The following ABHD3 variants were observed in gnomAD, a reference collection of about 807,000 sequenced individuals.
The protein encoded by ABHD3 is abhydrolase domain containing 3, phospholipase.
ABHD3 carries 46 observed loss-of-function variants against 48.8 expected under a neutral mutation model. The ratio of observed to expected loss-of-function variants is 0.94; its 90% confidence interval spans 0.74 to 1.20. The LOEUF is 1.20. Ranked by LOEUF, ABHD3 falls within the 50% of genes most tolerant of loss-of-function variation. The probability of loss-of-function intolerance (pLI) is 0.00; values close to 1 mark genes in which losing one functional copy is unlikely to be tolerated. For missense variants in ABHD3, 490 were observed against 497.8 expected, an observed-to-expected ratio of 0.98 and a Z score of 0.15; for synonymous variants, 192 against 183.7, an observed-to-expected ratio of 1.04 and a Z score of -0.36.
chr18:21,664,033 T>C (rs2146290427), intron 5 of ABHD3, 85 bp downstream of exon 5: 17 of 1,476,734 alleles, frequency 1.2e-5, no homozygotes, highest in Middle Eastern at 1.9e-4. Flanking sequence ...AAAGTGTCCA[T>C]ACAGCTAGCT....
At chr18:21,696,739 T>C (rs1022258533) in intron 3 of ABHD3, among the ~76,000 whole-genome samples, 1 of 147,716 alleles carries the variant, frequency 6.8e-6, no homozygotes, top group South Asian at 2.1e-4. Flanking sequence ...TAGTTTTGGT[T>C]TTTTTTTGGT....
chr18:21,679,238 T>C (rs1017158493), intron 4 of ABHD3, among the ~76,000 whole-genome samples: 1 of 152,212 alleles, frequency 6.6e-6, no homozygotes, highest in Admixed American at 6.5e-5. Context: ...GAAACAGTAA[T>C]TGTTCTTAGC....
At chr18:21,696,495 G>A (rs908701027) in intron 3 of ABHD3, among the ~76,000 whole-genome samples, 2 of 151,966 alleles carry the variant, frequency 1.3e-5, no homozygotes, top group African/African-American at 4.8e-5. Context: ...TCAGAAAATG[G>A]TAAAAGGATT....
At chr18:21,682,988 C>A (rs989742076) in intron 4 of ABHD3, 1 of 152,210 alleles carries the variant, frequency 6.6e-6, no homozygotes, top group African/African-American at 2.4e-5. Context: ...ATCTTCATTT[C>A]CTCCAGTGCC....
chr18:21,681,991 G>A (rs1210801766), intron 4 of ABHD3, among the ~76,000 whole-genome samples: 1 of 152,008 alleles, frequency 6.6e-6, no homozygotes, highest in African/African-American at 2.4e-5. Context: ...TAAAAAATCA[G>A]CCAGGCATGG....
intron 3 of ABHD3, among the ~76,000 whole-genome samples, chr18:21,699,684 G>C (rs1017285889): frequency 6.6e-6 from 1 of 152,098 alleles, no homozygotes; most frequent in African/African-American, 2.4e-5. Flanking sequence ...TTGTAATTTT[G>C]TGTGTGTGTC....
chr18:21,694,770 C>G (rs182908210), intron 3 of ABHD3, among the ~76,000 whole-genome samples: 2 of 152,242 alleles, frequency 1.3e-5, no homozygotes, highest in African/African-American at 4.8e-5. Flanking sequence ...GGCTTCCTTC[C>G]TCATCGCTCT....
At chr18:21,686,258 C>T (rs1345614787) in intron 3 of ABHD3, among the ~76,000 whole-genome samples, 4 of 152,204 alleles carry the variant, frequency 2.6e-5, no homozygotes, top group Admixed American at 6.5e-5. Flanking sequence ...AATAAGATTT[C>T]AGTTGGCCAT....
At chr18:21,660,862 C>T (rs2039476773) in intron 5 of ABHD3, among the ~76,000 whole-genome samples, 1 of 152,000 alleles carries the variant, frequency 6.6e-6, no homozygotes, top group South Asian at 2.1e-4. Context: ...GTTTTGGTGG[C>T]CCTACTCTTT....
At chr18:21,674,842 ACCCCT>A (rs2039841297) in intron 4 of ABHD3, among the ~76,000 whole-genome samples, 1 of 150,390 alleles carries the variant, frequency 6.6e-6, no homozygotes, top group East Asian at 1.9e-4. Flanking sequence ...TGACCTCTAT[ACCCCT>A]CCTCCCTCTG....
intron 4 of ABHD3, among the ~76,000 whole-genome samples, chr18:21,669,185 G>A: frequency 6.6e-6 from 1 of 152,164 alleles, no homozygotes; most frequent in East Asian, 1.9e-4. Context: ...TCCAGCCTTG[G>A]TGACAGACTG....
chr18:21,696,396 G>C (rs911739863), intron 3 of ABHD3, among the ~76,000 whole-genome samples: 4 of 152,134 alleles, frequency 2.6e-5, no homozygotes, highest in African/African-American at 9.7e-5. Flanking sequence ...TGATCCGCCT[G>C]CCTTGGCTTC....
intron 3 of ABHD3, among the ~76,000 whole-genome samples, chr18:21,693,366 C>T (rs2040295616): frequency 6.6e-6 from 1 of 152,142 alleles, no homozygotes; most frequent in South Asian, 2.1e-4. Flanking sequence ...TGTGGGTAGG[C>T]AGGTAGTGTA....
At chr18:21,690,744 C>T (rs930604605) in intron 3 of ABHD3, among the ~76,000 whole-genome samples, 1 of 151,592 alleles carries the variant, frequency 6.6e-6, no homozygotes, top group African/African-American at 2.4e-5. Context: ...CCTGTAATCC[C>T]AGCACTTTGG....
intron 3 of ABHD3, among the ~76,000 whole-genome samples, chr18:21,687,033 C>A (rs1052673675): frequency 6.6e-6 from 1 of 151,936 alleles, no homozygotes; most frequent in Admixed American, 6.6e-5. Context: ...CTCAGCCTCC[C>A]GAGTAGCTGG....
chr18:21,656,183 T>C (rs1431038193), intron 8 of ABHD3, among the ~76,000 whole-genome samples: 2 of 151,884 alleles, frequency 1.3e-5, no homozygotes, highest in Non-Finnish European at 2.9e-5. Context: ...ATAATTTTCT[T>C]TTTTTTTAAG....
chr18:21,695,217 A>C (rs2040343343), intron 3 of ABHD3, among the ~76,000 whole-genome samples: 1 of 152,100 alleles, frequency 6.6e-6, no homozygotes, highest in African/African-American at 2.4e-5. Flanking sequence ...TTTAGTAGAG[A>C]TGGGGTTTCA....
chr18:21,698,970 G>A lies in ABHD3; in HGVS notation c.509+3346C>T, dbSNP rs372093300. On this transcript the variant is annotated intron_variant, in intron 3 of 8. Transcript: ENST00000289119. Reference sequence around the variant, plus strand: ...TTTTTTTGAGATGGAGCCTTGCTTTGTCTCCTAGACTGGAGTGTAGTGGCA... The same window carrying A: ...TTTTTTTGAGATGGAGCCTTGCTTTATCTCCTAGACTGGAGTGTAGTGGCA... Among the ~76,000 whole-genome samples the A allele has an allele frequency of 7.3e-5, 11 of 149,804 alleles. No homozygotes were observed. The East Asian group carries it at 2.2e-3, about 29-fold the overall frequency.
intron 1 of ABHD3, among the ~76,000 whole-genome samples, 198 bp downstream of exon 1, chr18:21,704,306 C>T (rs976100304): frequency 1.3e-5 from 2 of 152,132 alleles, no homozygotes; most frequent in African/African-American, 4.8e-5. Context: ...CGAGGACCAC[C>T]CGGCCGGGAC....
Sources: gnomAD v4.1 joint callset for allele counts (sites outside exome capture counted in the v4.1 genomes callset) on GRCh38, gnomAD v4.1.1 for gene constraint, MANE v1.5 for transcripts, NCBI Gene and HGNC (gene_info 2026-07-23, HGNC 2026-07-21) for gene names.